HIVEP2: variants seen among roughly 807,000 people sequenced by gnomAD.
HIVEP2 encodes HIVEP zinc finger 2.
A neutral mutation model predicts 180.7 loss-of-function variants in HIVEP2; 14 were observed. The observed-to-expected ratio is 0.08, with a 90% CI of 0.05 to 0.12. HIVEP2 has a LOEUF of 0.12. Ranked by LOEUF, HIVEP2 falls within the 10% of genes least tolerant of loss-of-function variation. HIVEP2 has a pLI of 1.00. For synonymous variants in HIVEP2, 1,184 were observed against 1,136.4 expected (o/e 1.04, Z -0.84); for missense variants, 2,579 against 3,008.5 (o/e 0.86, Z 3.34).
At chr6:142,834,305 T>C (rs1462422736) in intron 2 of HIVEP2, among the ~76,000 whole-genome samples, 1 of 152,080 alleles carries the variant, frequency 6.6e-6, no homozygotes, top group African/African-American at 2.4e-5. Flanking sequence ...CACAGAATTA[T>C]GTATTTTGGA....
At chr6:142,801,739 C>T (rs1353555035) in intron 2 of HIVEP2, among the ~76,000 whole-genome samples, 1 of 152,046 alleles carries the variant, frequency 6.6e-6, no homozygotes, top group Non-Finnish European at 1.5e-5. Flanking sequence ...TATGTGAAAA[C>T]AATATGAAAA....
rs762999897 is a variant in HIVEP2, at chr6:142,769,861, GAGA to G, written c.4875_4877del (p.Leu1626del). 6.2e-6 allele frequency: 10 copies of G among 1,614,056 alleles called. No homozygotes were observed. Among genetic ancestry groups the G allele is most frequent in the African/African-American group, 1.3e-5 (1 of 74,936 alleles). ...TCTGCTGGAAATCTGCCATGTCCGT[GAGA>G]AGAAGAGTTGAGTCTGCCACGTTCC... On this transcript the variant is annotated inframe_deletion, in exon 5 of 10. Coordinates refer to ENST00000367603, the MANE Select transcript of HIVEP2 (RefSeq NM_006734.4).
intron 1 of HIVEP2, among the ~76,000 whole-genome samples, chr6:142,879,586 C>T (rs1007158408): frequency 6.6e-6 from 1 of 152,140 alleles, no homozygotes; most frequent in Non-Finnish European, 1.5e-5. Flanking sequence ...ACCCCCTTCT[C>T]TCCTTGGTTT....
Position 142,773,896 on chromosome 6 carries a change from T to C in HIVEP2, c.843A>G (p.Thr281=). The change falls in exon 5 of 10, where the codon ACA becomes ACG. Residue 281 remains threonine (T), a synonymous_variant. Coordinates refer to ENST00000367603, the MANE Select transcript of HIVEP2 (RefSeq NM_006734.4). ...CGGCAAATAAAGAACTCTCCTCATC[T>C]GTGTCTGTACTCTGTTCACCATCTG... The part of the protein sequence containing the change: ...IHSDGEQSTD[T]DEESSLFAEA... 1.9e-6 allele frequency: 3 copies of C among 1,613,868 alleles called. No homozygotes were observed. The highest frequency in any genetic ancestry group is 1.3e-5 in the African/African-American group (1 of 75,056).
intron 2 of HIVEP2, among the ~76,000 whole-genome samples, chr6:142,793,659 T>TCTTTC (rs3057479): frequency 0.15 from 15,613 of 106,404 alleles, 2,015 homozygotes; most frequent in East Asian, 0.22. Context: ...TTTCTTTCTT[T>TCTTTC]TTTCTTTCTT....
chr6:142,772,980 G>C lies in HIVEP2; in HGVS notation c.1759C>G (p.Gln587Glu). 3 of 1,614,196 alleles carry C rather than the reference G, an allele frequency of 1.9e-6. No homozygotes were observed. The highest frequency in any genetic ancestry group is 2.5e-6 in the Non-Finnish European group (3 of 1,180,032). The change falls in exon 5 of 10, where the codon CAG becomes GAG. Residue 587 changes from glutamine (Q) to glutamate (E), a missense_variant. Physicochemically the swap from Gln to Glu is conservative, Grantham distance 29. Coordinates refer to ENST00000367603, the MANE Select transcript of HIVEP2 (RefSeq NM_006734.4). This position sits in a 1 kb window ranked among gnomAD's most constrained non-coding sequence, Gnocchi z 4.9. ...FYPGTVGIPPQRMLRRQAAFE... is the reference protein window; with the variant it reads ...FYPGTVGIPPERMLRRQAAFE... ...GCCGCTTGTCTTCTTAGCATGCGCT[G>C]AGGGGGTATGCCCACGGTCCCTGGA...
intron 9 of HIVEP2, among the ~76,000 whole-genome samples, chr6:142,759,281 TGAAAGAGTGAGACCCTGTCTC>T (rs1775158391): frequency 6.6e-6 from 1 of 151,724 alleles, no homozygotes; most frequent in Non-Finnish European, 1.5e-5. Context: ...CCAGCCTGGG[TGAAAGAGTGAGACCCTGTCTC>T]AAAAAAAATA....
At chr6:142,813,733 A>G in intron 2 of HIVEP2, among the ~76,000 whole-genome samples, 1 of 151,622 alleles carries the variant, frequency 6.6e-6, no homozygotes, top group East Asian at 1.9e-4. Context: ...ATGCCCCAGA[A>G]TTTTTTATTT....
chr6:142,859,004 G>T (rs1656002957), intron 1 of HIVEP2, among the ~76,000 whole-genome samples: 1 of 152,118 alleles, frequency 6.6e-6, no homozygotes, highest in African/African-American at 2.4e-5. Flanking sequence ...CTTGAGGACT[G>T]GGCTCAGCAC....
At position 142,932,563 on chromosome 6, in the gene HIVEP2, G is replaced by A. The variant is rs186823553; in HGVS notation, c.-641+12536C>T. On this transcript the variant is annotated intron_variant, in intron 1 of 9. Coordinates refer to ENST00000367603, the MANE Select transcript of HIVEP2 (RefSeq NM_006734.4). ...AAAAATGAAAACAACATCCTATGAG[G>A]TCTAGTTGAAAGAACTGGGAATATT... Among the ~76,000 whole-genome samples the A allele has an allele frequency of 1.2e-4, 19 of 152,264 alleles. No individual in the cohort carries two copies. The East Asian group carries it at 3.3e-3, about 26-fold the overall frequency.
At chr6:142,927,617 T>C (rs1777848999) in intron 1 of HIVEP2, among the ~76,000 whole-genome samples, 1 of 152,246 alleles carries the variant, frequency 6.6e-6, no homozygotes, top group South Asian at 2.1e-4. Flanking sequence ...TCTCAACTAA[T>C]ACTTTTAACA....
At chr6:142,787,718 T>C (rs760609259) in intron 2 of HIVEP2, among the ~76,000 whole-genome samples, 3 of 152,104 alleles carry the variant, frequency 2.0e-5, no homozygotes, top group African/African-American at 4.8e-5. Flanking sequence ...GACAGGATGA[T>C]GACTATAAGC....
chr6:142,934,977 G>A (rs796589977), intron 1 of HIVEP2, among the ~76,000 whole-genome samples: 20 of 152,180 alleles, frequency 1.3e-4, no homozygotes, highest in South Asian at 4.2e-4. Context: ...TTCACACAGC[G>A]TCCTTCTTAG....
chr6:142,794,274 A>G (rs550984957), intron 2 of HIVEP2, among the ~76,000 whole-genome samples: 1 of 152,318 alleles, frequency 6.6e-6, no homozygotes, highest in Admixed American at 6.5e-5. Flanking sequence ...CAATATGTAC[A>G]CAAACAAACA....
At position 142,771,448 on chromosome 6, in the gene HIVEP2, A is replaced by T; in HGVS notation, c.3291T>A (p.Val1097=). The change falls in exon 5 of 10, where the codon GTT becomes GTA. Residue 1097 remains valine, a synonymous_variant. Transcript: ENST00000367603. This position sits in a 1 kb window ranked among gnomAD's most constrained non-coding sequence, Gnocchi z 5.4. ...SGSPEISQGE[V]GMDQSVKQEQ... ...CTTGCTTCACGCTCTGATCCATGCCAACCTCGCCCTGGGAGATTTCTGGGG... is the reference window on the plus strand; with the variant it reads ...CTTGCTTCACGCTCTGATCCATGCCTACCTCGCCCTGGGAGATTTCTGGGG... The T allele has an allele frequency of 6.2e-7, 1 of 1,613,582 alleles. No individual in the cohort carries two copies. Among genetic ancestry groups the T allele is most frequent in the Non-Finnish European group, 8.5e-7 (1 of 1,180,028 alleles).
intron 1 of HIVEP2, among the ~76,000 whole-genome samples, chr6:142,906,289 C>T (rs1273176026): frequency 2.0e-5 from 3 of 151,610 alleles, no homozygotes; most frequent in East Asian, 1.9e-4. Context: ...AATAACAAAA[C>T]GAGAATTAAA....
At position 142,891,518 on chromosome 6, in the gene HIVEP2, T is replaced by C. The variant is rs9403410; in HGVS notation, c.-641+53581A>G. On this transcript the variant is annotated intron_variant, in intron 1 of 9. Coordinates refer to ENST00000367603, the MANE Select transcript of HIVEP2 (RefSeq NM_006734.4). Reference sequence around the variant, plus strand: ...GTATGCCAGGTAGGACAATCACCATTTATAGATAAGGAAACTGGGTTTTGG... The same window carrying C: ...GTATGCCAGGTAGGACAATCACCATCTATAGATAAGGAAACTGGGTTTTGG... Among the ~76,000 whole-genome samples the C allele has an allele frequency of 9.1e-3, 1,378 of 152,178 alleles. 85 individuals carry two copies. The East Asian group carries it at 0.17, about 19-fold the overall frequency.
At chr6:142,820,229 C>T (rs1171984304) in intron 2 of HIVEP2, among the ~76,000 whole-genome samples, 4 of 152,010 alleles carry the variant, frequency 2.6e-5, no homozygotes, top group African/African-American at 9.7e-5. Context: ...GCAGAAATGT[C>T]AGGAAGCAGC....
chr6:142,846,020 T>A (rs1775506986), intron 1 of HIVEP2, among the ~76,000 whole-genome samples: 1 of 152,216 alleles, frequency 6.6e-6, no homozygotes, highest in Non-Finnish European at 1.5e-5. Flanking sequence ...ACATCCCTCC[T>A]GGCATCCAGT....
Sources: gnomAD v4.1 joint callset for allele counts (sites outside exome capture counted in the v4.1 genomes callset) on GRCh38, gnomAD v4.1.1 for gene constraint, Gnocchi (gnomAD v3.1) non-coding constraint, MANE v1.5 for transcripts, NCBI Gene and HGNC (gene_info 2026-07-23, HGNC 2026-07-21) for gene names.